GLIS3: variants seen among roughly 807,000 people sequenced by gnomAD.
GLIS3 encodes zinc finger protein GLIS3.
GLIS3 carries 53 observed loss-of-function variants against 78.6 expected under a neutral mutation model. The observed-to-expected ratio is 0.67, with a 90% CI of 0.54 to 0.85. The LOEUF (loss-of-function observed/expected upper bound fraction) is 0.85, where lower values mean the gene tolerates loss of function less well. GLIS3 is among the 40% of genes least tolerant of loss of function. The pLI, the probability that GLIS3 is intolerant of heterozygous loss-of-function variation, is 0.00. For synonymous variants in GLIS3, 684 were observed against 509.9 expected, an observed-to-expected ratio of 1.34 and a Z score of -4.60; for missense variants, 1,703 against 1,231.1, an observed-to-expected ratio of 1.38 and a Z score of -5.74.
intron 2 of GLIS3, among the ~76,000 whole-genome samples, chr9:4,313,325 T>C (rs1817392909): frequency 6.6e-6 from 1 of 152,156 alleles, no homozygotes; most frequent in Non-Finnish European, 1.5e-5. Flanking sequence ...TTCTCAGCCA[T>C]TGCTGCTCCC....
chr9:4,359,016 T>C, the GLIS3 span, among the ~76,000 whole-genome samples: 3 of 152,092 alleles, frequency 2.0e-5, no homozygotes, highest in African/African-American at 7.2e-5. Flanking sequence ...GGTAGGACCA[T>C]GGTGGCTTGT....
In GLIS3 at chr9:4,054,567, C is replaced by T. The variant is rs926581308; in HGVS notation, c.1710+63201G>A. The T allele has an allele frequency of 4.1e-5, 33 of 803,694 alleles. No homozygotes were observed. In the African/African-American group the frequency reaches 6.0e-4, roughly 15 times the overall value. 49.8% of individuals were successfully genotyped at this position (803,694 alleles called of 1,614,324 possible). On this transcript the variant is annotated intron_variant, in intron 4 of 10. Coordinates refer to ENST00000381971, the MANE Select transcript of GLIS3 (RefSeq NM_001042413.2). ...GATCAGTGCGGAGCAGGTCACAAGT[C>T]ACACCAGTCACAAAGCTGCCTCCTT...
chr9:3,996,486 A>G (rs1433481880), intron 4 of GLIS3, among the ~76,000 whole-genome samples: 1 of 152,214 alleles, frequency 6.6e-6, no homozygotes, highest in Non-Finnish European at 1.5e-5. Context: ...AAAGATACTG[A>G]TTAACTTTAC....
At chr9:3,974,585 C>G (rs531890306) in intron 4 of GLIS3, among the ~76,000 whole-genome samples, 2 of 152,264 alleles carry the variant, frequency 1.3e-5, no homozygotes, top group East Asian at 3.9e-4. Flanking sequence ...TTTGTGCCCG[C>G]AGAAAAACCA....
chr9:4,047,181 C>T (rs57460300), intron 4 of GLIS3, among the ~76,000 whole-genome samples: 23,200 of 152,124 alleles, frequency 0.15, 2,367 homozygotes, highest in East Asian at 0.46. Flanking sequence ...CTGATGGTTT[C>T]ACAAGGGGCT....
chr9:4,138,923 G>A (rs1000949454), intron 2 of GLIS3, among the ~76,000 whole-genome samples: 2 of 152,106 alleles, frequency 1.3e-5, no homozygotes, highest in African/African-American at 4.8e-5. Flanking sequence ...TGCAAGCATG[G>A]GTATGTTGTA....
At chr9:4,266,090 T>C (rs11795162) in intron 2 of GLIS3, among the ~76,000 whole-genome samples, 21,025 of 151,902 alleles carry the variant, frequency 0.14, 1,564 homozygotes, top group Non-Finnish European at 0.16. Context: ...GGCTAATTTT[T>C]TGTATTTTTA....
At chr9:4,164,649 G>A (rs1484647654) in intron 2 of GLIS3, among the ~76,000 whole-genome samples, 1 of 152,156 alleles carries the variant, frequency 6.6e-6, no homozygotes, top group Admixed American at 6.5e-5. Flanking sequence ...CAAAGGAAAG[G>A]CTGCTTAGAG....
At chr9:4,446,090 A>C in the GLIS3 span, among the ~76,000 whole-genome samples, 1 of 152,320 alleles carries the variant, frequency 6.6e-6, no homozygotes, top group Middle Eastern at 3.4e-3. Flanking sequence ...TGAGGGTCAA[A>C]ACCAGCCCAT....
the GLIS3 span, among the ~76,000 whole-genome samples, chr9:4,441,386 C>T: frequency 8.3e-4 from 126 of 152,248 alleles, 1 homozygote; most frequent in African/African-American, 2.9e-3. Flanking sequence ...TCGTCAAATG[C>T]TTTTTCTACA....
At chr9:4,273,779 C>T (rs183931386) in intron 2 of GLIS3, among the ~76,000 whole-genome samples, 4 of 152,124 alleles carry the variant, frequency 2.6e-5, no homozygotes, top group Non-Finnish European at 5.9e-5. Flanking sequence ...TTCTCTGATG[C>T]TCACTCTCCT....
intron 2 of GLIS3, among the ~76,000 whole-genome samples, chr9:4,200,523 G>A (rs1819282966): frequency 6.6e-6 from 1 of 152,050 alleles, no homozygotes; most frequent in East Asian, 1.9e-4. Flanking sequence ...AGACTATTAT[G>A]AACACCTCTA....
At chr9:4,085,504 C>A (rs1007003159) in intron 4 of GLIS3, among the ~76,000 whole-genome samples, 16 of 151,912 alleles carry the variant, frequency 1.1e-4, no homozygotes, top group African/African-American at 3.9e-4. Flanking sequence ...ATTAAAATCC[C>A]CACTGATCTC....
chr9:3,999,872 C>G (rs752814611), intron 4 of GLIS3, among the ~76,000 whole-genome samples: 2 of 151,944 alleles, frequency 1.3e-5, no homozygotes, highest in Admixed American at 1.3e-4. Flanking sequence ...ATAGTAATTA[C>G]GCAATGCAAC....
the GLIS3 span, among the ~76,000 whole-genome samples, chr9:4,365,565 GAA>G: frequency 6.9e-6 from 1 of 144,644 alleles, no homozygotes; most frequent in African/African-American, 2.9e-5. Flanking sequence ...CAAAAAAAAA[GAA>G]AAAAGAAAAG....
At chr9:3,999,170 GA>G (rs1424272588) in intron 4 of GLIS3, among the ~76,000 whole-genome samples, 1 of 152,078 alleles carries the variant, frequency 6.6e-6, no homozygotes, top group African/African-American at 2.4e-5. Flanking sequence ...CATGGTAATT[GA>G]ACCAATCTCT....
chr9:4,056,630 G>A (rs1469449027), intron 4 of GLIS3, among the ~76,000 whole-genome samples: 1 of 152,092 alleles, frequency 6.6e-6, no homozygotes, highest in Non-Finnish European at 1.5e-5. Context: ...GAGATGAGGT[G>A]AGAGACGGGA....
chr9:4,243,922 C>G (rs1023638177), intron 2 of GLIS3, among the ~76,000 whole-genome samples: 1 of 152,324 alleles, frequency 6.6e-6, no homozygotes, highest in Non-Finnish European at 1.5e-5. Context: ...AGAGCAGGGT[C>G]TACATGACTA....
chr9:3,982,206 CCT>C (rs1258768671), intron 4 of GLIS3, among the ~76,000 whole-genome samples: 8 of 151,716 alleles, frequency 5.3e-5, no homozygotes, highest in Non-Finnish European at 8.8e-5. Flanking sequence ...GGTACCTTTA[CCT>C]CTCTGTTTTT....
Sources: allele counts gnomAD v4.1 joint callset (sites outside exome capture counted in the v4.1 genomes callset), GRCh38; gene constraint gnomAD v4.1.1; transcripts MANE v1.5; gene names NCBI Gene and HGNC (gene_info 2026-07-23, HGNC 2026-07-21).